Variants in MTUS2 observed in about 807,000 individuals in gnomAD.
The protein encoded by MTUS2 is microtubule associated scaffold protein 2.
A neutral mutation model predicts 114.1 loss-of-function variants in MTUS2; 40 were observed. That is an observed-to-expected ratio of 0.35 (90% confidence interval 0.27 to 0.46). The LOEUF is 0.46. Among genes scored for constraint, MTUS2 ranks in the 20% least tolerant of loss-of-function variants. The probability of loss-of-function intolerance (pLI) is 1.00; values close to 1 mark genes in which losing one functional copy is unlikely to be tolerated. For synonymous variants in MTUS2, 688 were observed against 672.0 expected (o/e 1.02, Z -0.37); for missense variants, 1,679 against 1,705.4 (o/e 0.98, Z 0.27).
intron 8 of MTUS2, among the ~76,000 whole-genome samples, chr13:29,381,568 A>ATTGC (rs1350936150): frequency 6.6e-6 from 1 of 152,192 alleles, no homozygotes; most frequent in Non-Finnish European, 1.5e-5. Flanking sequence ...TTGTGTGGGC[A>ATTGC]CTGCCATTAG....
At chr13:29,218,840 C>A (rs1223856994) in intron 5 of MTUS2, among the ~76,000 whole-genome samples, 1 of 152,112 alleles carries the variant, frequency 6.6e-6, no homozygotes, top group Non-Finnish European at 1.5e-5. Context: ...TTTGTTGTTC[C>A]ATTTCTAGAG....
rs1006568829 is a variant in MTUS2, at chr13:29,504,785, C to T, written c.*1579C>T. 4.3e-6 allele frequency: 1 copy of T among 233,230 alleles called. No homozygotes were observed. The highest frequency in any genetic ancestry group is 8.5e-6 in the Non-Finnish European group (1 of 118,012). The allele number at this position is 233,230 out of a possible 1,614,324, so 14.4% of individuals were successfully genotyped here. A position where few individuals can be genotyped will look rare whatever the true frequency, so the allele number is the denominator to read the frequency against. On this transcript the variant is annotated 3_prime_UTR_variant, in exon 16 of 16. Coordinates refer to ENST00000612955, the MANE Select transcript of MTUS2 (RefSeq NM_001033602.4). ...CTCCCTGAGACCCCCCCAAAATTGT[C>T]CTGAGCACAGGCCTGTCTTTGAGCG... is the stretch of plus-strand genomic sequence containing the variant.
intron 4 of MTUS2, among the ~76,000 whole-genome samples, chr13:29,058,842 C>T (rs907224151): frequency 5.3e-5 from 8 of 151,806 alleles, no homozygotes; most frequent in African/African-American, 9.7e-5. Flanking sequence ...CGATAGTTTG[C>T]GTTGATTCTG....
intron 2 of MTUS2, among the ~76,000 whole-genome samples, chr13:29,001,021 G>A (rs939118416): frequency 6.6e-6 from 1 of 152,144 alleles, no homozygotes; most frequent in African/African-American, 2.4e-5. Flanking sequence ...GCTATTTAAT[G>A]TAGGGAGGGT....
intron 7 of MTUS2, among the ~76,000 whole-genome samples, chr13:29,337,955 A>ATTTTTTTT (rs34068964): frequency 3.6e-4 from 52 of 143,414 alleles, no homozygotes; most frequent in African/African-American, 1.3e-3. Flanking sequence ...TGCCCTGCTA[A>ATTTTTTTT]TTTTTTTTTT....
chr13:29,436,155 T>C (rs562319754), intron 8 of MTUS2, among the ~76,000 whole-genome samples: 1 of 152,136 alleles, frequency 6.6e-6, no homozygotes, highest in Non-Finnish European at 1.5e-5. Context: ...CATGAAAAGC[T>C]TCATGGTAAT....
At chr13:28,975,704 A>G (rs190094841) in intron 2 of MTUS2, among the ~76,000 whole-genome samples, 244 of 152,352 alleles carry the variant, frequency 1.6e-3, no homozygotes, top group African/African-American at 5.5e-3. Flanking sequence ...GCCAGAAACC[A>G]TGAGGACAAT....
Position 29,195,424 on chromosome 13 carries a change from T to C in MTUS2, c.2645-86280T>C, listed in dbSNP as rs567553660. On this transcript the variant is annotated intron_variant, in intron 5 of 15. Coordinates refer to ENST00000612955, the MANE Select transcript of MTUS2 (RefSeq NM_001033602.4). ...ATTTTTTCTGTGCACATGAATGTAT[T>C]AGCTATTTTCGTAGTTATGTGTTTT... 4.0e-5 allele frequency among the ~76,000 whole-genome samples: 6 copies of C among 151,746 alleles called. No homozygotes were observed. The South Asian group carries it at 1.2e-3, about 32-fold the overall frequency.
At chr13:28,836,166 A>G (rs1875071488) in intron 1 of MTUS2, among the ~76,000 whole-genome samples, 1 of 152,216 alleles carries the variant, frequency 6.6e-6, no homozygotes, top group Non-Finnish European at 1.5e-5. Flanking sequence ...CTAACCTAAA[A>G]TATTTAAAAT....
At chr13:29,118,806 G>A (rs1156505899) in intron 5 of MTUS2, among the ~76,000 whole-genome samples, 3 of 152,206 alleles carry the variant, frequency 2.0e-5, no homozygotes, top group Admixed American at 6.5e-5. Flanking sequence ...ACACTGACTT[G>A]TGCTGTCACC....
chr13:28,872,372 G>C (rs920664261), intron 2 of MTUS2, among the ~76,000 whole-genome samples: 1 of 152,164 alleles, frequency 6.6e-6, no homozygotes, highest in African/African-American at 2.4e-5. Flanking sequence ...GAGAATAATA[G>C]GTTTTTGGGA....
In MTUS2 at chr13:29,256,761, C is replaced by T. The variant is rs544658371; in HGVS notation, c.2645-24943C>T. On this transcript the variant is annotated intron_variant, in intron 5 of 15. Transcript: ENST00000612955. ...TTCATTGATCCTACACCAGCTTGCT[C>T]TGCTTTAAATGAACTTTCTTCATAC... 5.4e-4 allele frequency among the ~76,000 whole-genome samples: 82 copies of T among 152,360 alleles called. 2 individuals are homozygous for T. The South Asian group carries it at 0.017, about 31-fold the overall frequency.
At chr13:29,253,950 C>T (rs1464514742) in intron 5 of MTUS2, among the ~76,000 whole-genome samples, 1 of 152,202 alleles carries the variant, frequency 6.6e-6, no homozygotes, top group African/African-American at 2.4e-5. Context: ...GTAATTACCT[C>T]CCACTGAGTC....
chr13:28,821,077 A>G (rs1873866276), intron 1 of MTUS2, among the ~76,000 whole-genome samples: 1 of 151,812 alleles, frequency 6.6e-6, no homozygotes, highest in African/African-American at 2.4e-5. Context: ...CTACCATTCT[A>G]TTTTAAATAC....
At chr13:29,091,490 T>C (rs912320044) in intron 4 of MTUS2, among the ~76,000 whole-genome samples, 5 of 96,174 alleles carry the variant, frequency 5.2e-5, no homozygotes, top group African/African-American at 1.7e-4. Context: ...TTATGGCCTT[T>C]GTTTCTTTTT....
intron 8 of MTUS2, among the ~76,000 whole-genome samples, chr13:29,373,817 C>T (rs1444652326): frequency 2.6e-5 from 4 of 152,202 alleles, no homozygotes; most frequent in Non-Finnish European, 5.9e-5. Context: ...ATGCTTAGAA[C>T]ACAATTTAAA....
Position 29,369,115 on chromosome 13 carries a change from C to T in MTUS2, c.3117+9642C>T, listed in dbSNP as rs574335373. Among the ~76,000 whole-genome samples, 17 of 143,770 alleles carry T rather than the reference C, an allele frequency of 1.2e-4. No individual in the cohort carries two copies. The South Asian group carries it at 3.1e-3, about 26-fold the overall frequency. 94.3% of individuals were successfully genotyped at this position (143,770 alleles called of 152,430 possible). On this transcript the variant is annotated intron_variant, in intron 8 of 15. Coordinates refer to ENST00000612955, the MANE Select transcript of MTUS2 (RefSeq NM_001033602.4). ...GTTACAGATACCAGGTACCAGGCAG[C>T]GGGAAAAAAAAGGTTACAGAATGAG...
chr13:29,213,470 A>G (rs6490371), intron 5 of MTUS2, among the ~76,000 whole-genome samples: 112,634 of 152,106 alleles, frequency 0.74, 41,793 homozygotes, highest in East Asian at 0.8. Flanking sequence ...AGACTTGTCT[A>G]TTTCCTTTGT....
intron 5 of MTUS2, among the ~76,000 whole-genome samples, chr13:29,204,728 G>A (rs371685881): frequency 2.0e-5 from 3 of 152,176 alleles, no homozygotes; most frequent in Non-Finnish European, 1.5e-5. Context: ...TAGTCGGAAC[G>A]TTCCCTTAGA....
Sources: allele counts gnomAD v4.1 joint callset (sites outside exome capture counted in the v4.1 genomes callset), GRCh38; gene constraint gnomAD v4.1.1; transcripts MANE v1.5; gene names NCBI Gene and HGNC (gene_info 2026-07-23, HGNC 2026-07-21).